Variants in GNAO1 observed in about 807,000 individuals in gnomAD.
The protein encoded by GNAO1 is guanine nucleotide-binding protein G(o) subunit alpha.
For synonymous variants in GNAO1, 164 were observed against 180.7 expected (o/e 0.91, Z 0.74); for missense variants, 166 against 478.7 (o/e 0.35, Z 6.10).
At chr16:56,292,515 C>A (rs1236029758) in intron 3 of GNAO1, among the ~76,000 whole-genome samples, 1 of 152,146 alleles carries the variant, frequency 6.6e-6, no homozygotes, top group Non-Finnish European at 1.5e-5. Context: ...GCACATATCA[C>A]CATACCCAGC....
intron 6 of GNAO1, chr16:56,347,087 T>A: frequency 1.0e-6 from 1 of 985,302 alleles, no homozygotes; most frequent in Non-Finnish European, 1.2e-6. Context: ...GGCAAGTGAG[T>A]CCATTGCAGT....
chr16:56,354,306 T>G lies in GNAO1; in HGVS notation c.878-560T>G, dbSNP rs561280552. Among the ~76,000 whole-genome samples the G allele has an allele frequency of 1.2e-4, 19 of 152,326 alleles. No homozygotes were observed. The highest frequency in any genetic ancestry group is 3.6e-4 in the African/African-American group (15 of 41,574). Reference sequence around the variant, plus strand: ...GAAAACAGTAAGAGATCTTGCAAAGTCCAAAGCCAGGCAAATGCTCAGCCT... The same window carrying G: ...GAAAACAGTAAGAGATCTTGCAAAGGCCAAAGCCAGGCAAATGCTCAGCCT... On this transcript the variant is annotated intron_variant, in intron 7 of 8. Transcript: ENST00000262493. This position sits in a 1 kb window ranked among gnomAD's most constrained non-coding sequence, Gnocchi z 4.3.
intron 2 of GNAO1, among the ~76,000 whole-genome samples, chr16:56,237,931 G>A (rs761255323): frequency 4.6e-5 from 7 of 152,220 alleles, no homozygotes; most frequent in Non-Finnish European, 7.3e-5. Flanking sequence ...AGTCTCATCT[G>A]TGGGATCCGT....
Position 56,347,287 on chromosome 16 carries a change from G to C in GNAO1, c.724-4097G>C, listed in dbSNP as rs186550374. The stretch of plus-strand genomic sequence containing the variant: ...CCCAGACCTGAGGCTCCAGCTCCGC[G>C]GCCACCAGAGATTCAGTGTGCAGTG... On this transcript the variant is annotated intron_variant, in intron 6 of 8. Transcript: ENST00000262493. The C allele has an allele frequency of 1.6e-5, 16 of 985,406 alleles. No individual in the cohort carries two copies. The East Asian group carries it at 4.5e-4, about 28-fold the overall frequency. The allele number at this position is 985,406 out of a possible 1,614,324, so 61.0% of individuals were successfully genotyped here.
chr16:56,317,009 G>A lies in GNAO1; in HGVS notation c.304-11622G>A, dbSNP rs145070703. Among the ~76,000 whole-genome samples the A allele has an allele frequency of 6.6e-5, 10 of 152,322 alleles. No individual in the cohort carries two copies. The East Asian group carries it at 1.7e-3, about 26-fold the overall frequency. On this transcript the variant is annotated intron_variant, in intron 3 of 8. Coordinates refer to ENST00000262493, the MANE Select transcript of GNAO1 (RefSeq NM_020988.3). ...TCGCCTTCCCACCCCCTGGCCCCTGGTTCTGGAAGGAACATAGTAAGCAGT... is the reference window on the plus strand; with the variant it reads ...TCGCCTTCCCACCCCCTGGCCCCTGATTCTGGAAGGAACATAGTAAGCAGT...
At chr16:56,292,852 A>G (rs1019643251) in intron 3 of GNAO1, among the ~76,000 whole-genome samples, 51 of 152,334 alleles carry the variant, frequency 3.3e-4, no homozygotes, top group African/African-American at 1.2e-3. Flanking sequence ...AAGTTTCTTG[A>G]CACTCTGGAA....
chr16:56,352,361 AAGC>A (rs2037931627), intron 7 of GNAO1: 1 of 152,276 alleles, frequency 6.6e-6, no homozygotes. Context: ...TAATGCCTAA[AAGC>A]AGCACTGATG....
intron 2 of GNAO1, among the ~76,000 whole-genome samples, chr16:56,206,324 T>TAAAA (rs562270212): frequency 8.8e-6 from 1 of 113,240 alleles, no homozygotes. Context: ...CATCTCAATT[T>TAAAA]AAAAAAAAAA....
At chr16:56,309,168 C>T (rs1454314426) in intron 3 of GNAO1, among the ~76,000 whole-genome samples, 1 of 152,102 alleles carries the variant, frequency 6.6e-6, no homozygotes, top group Non-Finnish European at 1.5e-5. Context: ...TGGGCTCCCT[C>T]TTGCTCCTTC....
chr16:56,310,226 A>T (rs983697446), intron 3 of GNAO1, among the ~76,000 whole-genome samples: 1 of 152,076 alleles, frequency 6.6e-6, no homozygotes, highest in Admixed American at 6.5e-5. Context: ...TACTCGCAGG[A>T]GGCTGAGGCA....
At chr16:56,331,019 C>G (rs1291667825) in intron 4 of GNAO1, among the ~76,000 whole-genome samples, 1 of 152,228 alleles carries the variant, frequency 6.6e-6, no homozygotes, top group Non-Finnish European at 1.5e-5. Context: ...TAGACCTCAG[C>G]TTCTGACAAA....
intron 6 of GNAO1, chr16:56,340,653 A>G: frequency 1.6e-6 from 1 of 643,222 alleles, no homozygotes; most frequent in Non-Finnish European, 2.8e-6. Context: ...GGAATGAAAC[A>G]GGACCACGTC....
At chr16:56,208,804 A>G (rs1358552482) in intron 2 of GNAO1, among the ~76,000 whole-genome samples, 1 of 152,140 alleles carries the variant, frequency 6.6e-6, no homozygotes, top group African/African-American at 2.4e-5. Context: ...TTCTTTTGCC[A>G]CTTTTTAAAT....
intron 3 of GNAO1, among the ~76,000 whole-genome samples, chr16:56,280,954 C>T (rs1057244023): frequency 1.3e-5 from 2 of 152,010 alleles, no homozygotes; most frequent in African/African-American, 2.4e-5. Context: ...TGTTTCAGAG[C>T]CTTTATTGGA....
intron 2 of GNAO1, among the ~76,000 whole-genome samples, chr16:56,256,905 G>A (rs1208319858): frequency 5.9e-5 from 9 of 152,102 alleles, no homozygotes; most frequent in South Asian, 2.1e-4. Context: ...ATTACAGGAC[G>A]GACACTGCCA....
At chr16:56,335,811 A>C (rs1206897159) in intron 5 of GNAO1, among the ~76,000 whole-genome samples, 1 of 152,222 alleles carries the variant, frequency 6.6e-6, no homozygotes, top group African/African-American at 2.4e-5. Context: ...GGGGCCACAG[A>C]GGCCATCTGC....
intron 3 of GNAO1, among the ~76,000 whole-genome samples, chr16:56,319,018 C>T (rs1251243057): frequency 5.9e-5 from 9 of 152,088 alleles, no homozygotes; most frequent in Non-Finnish European, 1.3e-4. Flanking sequence ...AATGAAAATC[C>T]CTGTTCATTT....
chr16:56,348,871 G>A (rs1045304467), intron 6 of GNAO1, among the ~76,000 whole-genome samples: 3 of 152,276 alleles, frequency 2.0e-5, no homozygotes, highest in Non-Finnish European at 4.4e-5. Context: ...AACCAGGTTT[G>A]GTTATGCCTG....
intron 3 of GNAO1, among the ~76,000 whole-genome samples, chr16:56,288,651 C>T (rs80246602): frequency 0.016 from 2,480 of 152,282 alleles, 65 homozygotes; most frequent in South Asian, 0.053. Flanking sequence ...GCGTGGGGGC[C>T]GGTCTTCCCT....
Sources: allele counts gnomAD v4.1 joint callset (sites outside exome capture counted in the v4.1 genomes callset), GRCh38; gene constraint gnomAD v4.1.1; non-coding constraint Gnocchi (gnomAD v3.1); transcripts MANE v1.5; gene names NCBI Gene and HGNC (gene_info 2026-07-23, HGNC 2026-07-21).